The following KLKB1 variants were observed in gnomAD, a reference collection of about 807,000 sequenced individuals.
The protein encoded by KLKB1 is plasma kallikrein.
In KLKB1, 58 loss-of-function variants were observed where a neutral mutation model predicts 73.6. That is an observed-to-expected ratio of 0.79 (90% confidence interval 0.64 to 0.98). The LOEUF is 0.98. Among genes scored for constraint, KLKB1 ranks in the 50% least tolerant of loss-of-function variants. KLKB1 has a pLI of 0.00. For synonymous variants in KLKB1, 280 were observed against 258.1 expected, an observed-to-expected ratio of 1.08 and a Z score of -0.81; for missense variants, 737 against 763.8, an observed-to-expected ratio of 0.96 and a Z score of 0.41.
chr4:186,249,789 A>C (rs959327938), intron 6 of KLKB1, among the ~76,000 whole-genome samples: 1 of 152,216 alleles, frequency 6.6e-6, no homozygotes, highest in African/African-American at 2.4e-5. Context: ...GATCATATTA[A>C]TGTAATGATA....
chr4:186,212,214 C>G (rs1381438251), intron 2 of KLKB1: 1 of 152,158 alleles, frequency 6.6e-6, no homozygotes, highest in Non-Finnish European at 1.5e-5. Context: ...TTATGGAACT[C>G]AGGGTGATGA....
intron 7 of KLKB1, 44 bp downstream of exon 7, chr4:186,250,446 G>A (rs1166272200): frequency 1.9e-6 from 3 of 1,595,730 alleles, no homozygotes; most frequent in African/African-American, 1.3e-5. Context: ...GAGTATGCAT[G>A]GGGAGCACTT....
chr4:186,229,081 A>C (rs575996225), intron 2 of KLKB1: 1 of 152,308 alleles, frequency 6.6e-6, no homozygotes, highest in Admixed American at 6.5e-5. Flanking sequence ...TCTGTCCCTC[A>C]ACCCTGATTT....
At chr4:186,222,095 G>A (rs1737045718), upstream of KLKB1, among the ~76,000 whole-genome samples, 1 of 152,028 alleles carries the variant, frequency 6.6e-6, no homozygotes, top group Non-Finnish European at 1.5e-5. Flanking sequence ...CTTTCGTTTG[G>A]TTATCATGTG....
intron 6 of KLKB1, among the ~76,000 whole-genome samples, chr4:186,240,113 A>C (rs1737938163): frequency 6.7e-6 from 1 of 150,288 alleles, no homozygotes; most frequent in African/African-American, 2.4e-5. Context: ...AGGTACAGTG[A>C]TATAGGACAG....
At chr4:186,236,697 TACCAA>T (rs776681249) in intron 4 of KLKB1, 79 bp from the exon 5 acceptor site, 1 of 1,422,562 alleles carries the variant, frequency 7.0e-7, no homozygotes, top group Non-Finnish European at 9.9e-7. Flanking sequence ...CATTCTAAAC[TACCAA>T]CCCAAATGGT....
chr4:186,243,932 C>G (rs950744514), intron 6 of KLKB1, among the ~76,000 whole-genome samples: 5 of 151,926 alleles, frequency 3.3e-5, no homozygotes, highest in African/African-American at 1.2e-4. Context: ...GGGTAAGGAA[C>G]AGGAAAGAAG....
At chr4:186,219,615 C>T (rs1272356205) in intron 2 of KLKB1, among the ~76,000 whole-genome samples, 1 of 152,100 alleles carries the variant, frequency 6.6e-6, no homozygotes, top group African/African-American at 2.4e-5. Context: ...AATTACAGTC[C>T]TCATTTCTGC....
At chr4:186,226,029 A>C (rs559684289), upstream of KLKB1, among the ~76,000 whole-genome samples, 1 of 151,046 alleles carries the variant, frequency 6.6e-6, no homozygotes, top group Non-Finnish European at 1.5e-5. Flanking sequence ...CTCCTGCTTG[A>C]TCTAGTCTGC....
At chr4:186,219,375 T>A (rs1448170222) in intron 2 of KLKB1, among the ~76,000 whole-genome samples, 1 of 152,138 alleles carries the variant, frequency 6.6e-6, no homozygotes, top group Non-Finnish European at 1.5e-5. Context: ...AGGTCATAAT[T>A]ATGTTAGGTA....
chr4:186,240,549 T>G (rs1399364764), intron 6 of KLKB1, among the ~76,000 whole-genome samples: 2 of 152,170 alleles, frequency 1.3e-5, no homozygotes, highest in South Asian at 4.1e-4. Flanking sequence ...TCCACCTCAT[T>G]TAGCATGTCA....
upstream of KLKB1, among the ~76,000 whole-genome samples, chr4:186,223,141 C>T (rs760714772): frequency 4.6e-5 from 7 of 152,118 alleles, no homozygotes; most frequent in Non-Finnish European, 8.8e-5. Flanking sequence ...CTGAGGCCTC[C>T]CCAGCCATGA....
At chr4:186,246,374 A>G (rs1474593276) in intron 6 of KLKB1, among the ~76,000 whole-genome samples, 1 of 152,156 alleles carries the variant, frequency 6.6e-6, no homozygotes, top group African/African-American at 2.4e-5. Flanking sequence ...GACAAGTTGC[A>G]TTGGGAACAG....
Position 186,229,440 on chromosome 4 carries a change from T to C in KLKB1, c.58+1187T>C, listed in dbSNP as rs192260313. Reference sequence around the variant, plus strand: ...CTCTTTGACTTGCATTTTCCACTTATAGCTATCTTTTGGTGCAAATAAGTA... The same window carrying C: ...CTCTTTGACTTGCATTTTCCACTTACAGCTATCTTTTGGTGCAAATAAGTA... On this transcript the variant is annotated intron_variant, in intron 2 of 14. Transcript: ENST00000264690. Among the ~76,000 whole-genome samples the C allele has an allele frequency of 3.8e-3, 583 of 152,384 alleles. 3 individuals are homozygous for C. The highest frequency in any genetic ancestry group is 6.2e-3 in the Non-Finnish European group (419 of 68,048).
intron 1 of KLKB1, 117 bp from the exon 2 acceptor site, chr4:186,228,078 T>A: frequency 2.9e-6 from 2 of 699,422 alleles, no homozygotes; most frequent in South Asian, 3.1e-5. Context: ...ATACCAGTAA[T>A]TGTGTGCTTT....
At chr4:186,223,173 C>A (rs1374527929), upstream of KLKB1, among the ~76,000 whole-genome samples, 1 of 152,088 alleles carries the variant, frequency 6.6e-6, no homozygotes, top group East Asian at 1.9e-4. Context: ...TCATTTAGAC[C>A]TCTTTTGTTT....
At chr4:186,246,550 A>C (rs1271563381) in intron 6 of KLKB1, among the ~76,000 whole-genome samples, 1 of 152,238 alleles carries the variant, frequency 6.6e-6, no homozygotes, top group African/African-American at 2.4e-5. Context: ...GGGGTTAAGC[A>C]GCATTGCAGA....
intron 2 of KLKB1, among the ~76,000 whole-genome samples, chr4:186,230,785 C>T (rs1451336672): frequency 2.6e-5 from 4 of 152,150 alleles, no homozygotes; most frequent in Non-Finnish European, 5.9e-5. Context: ...GAACTGGGGG[C>T]TGGAAGAGGA....
chr4:186,254,118 C>T (rs975442106), intron 11 of KLKB1, among the ~76,000 whole-genome samples: 2 of 152,198 alleles, frequency 1.3e-5, no homozygotes, highest in African/African-American at 4.8e-5. Flanking sequence ...CAGGTGTGGG[C>T]CACTGTGCCC....
Sources: gnomAD v4.1 joint callset for allele counts (sites outside exome capture counted in the v4.1 genomes callset) on GRCh38, gnomAD v4.1.1 for gene constraint, MANE v1.5 for transcripts, NCBI Gene and HGNC (gene_info 2026-07-23, HGNC 2026-07-21) for gene names.